The following ADGRB3 variants were observed in gnomAD, a reference collection of about 807,000 sequenced individuals.
ADGRB3 encodes adhesion G protein-coupled receptor B3.
In ADGRB3, 37 loss-of-function variants were observed where a neutral mutation model predicts 193.4. That is an observed-to-expected ratio of 0.19 (90% CI 0.15 to 0.25). The LOEUF (loss-of-function observed/expected upper bound fraction) is 0.25. ADGRB3 is among the 10% of genes least tolerant of loss of function. The pLI, the probability that ADGRB3 is intolerant of heterozygous loss-of-function variation, is 1.00. For synonymous variants in ADGRB3, 690 were observed against 644.2 expected (o/e 1.07, Z -1.08); for missense variants, 1,637 against 1,852.9 (o/e 0.88, Z 2.14).
chr6:68,872,639 T>C (rs1045997685), intron 3 of ADGRB3, among the ~76,000 whole-genome samples: 4 of 152,138 alleles, frequency 2.6e-5, no homozygotes, highest in African/African-American at 9.7e-5. Context: ...AATGGGTTTA[T>C]TAGTTCTGTG....
At chr6:68,813,861 C>T (rs1767570514) in intron 3 of ADGRB3, among the ~76,000 whole-genome samples, 1 of 152,148 alleles carries the variant, frequency 6.6e-6, no homozygotes, top group South Asian at 2.1e-4. Flanking sequence ...CCAGCTTCAT[C>T]TATGTCCCTA....
intron 17 of ADGRB3, among the ~76,000 whole-genome samples, chr6:69,183,370 C>G (rs532032404): frequency 2.0e-5 from 3 of 151,978 alleles, no homozygotes; most frequent in African/African-American, 7.2e-5. Flanking sequence ...TTATAAGTGC[C>G]TCTTTTTATA....
At chr6:68,693,171 G>A (rs1184716760) in intron 3 of ADGRB3, among the ~76,000 whole-genome samples, 1 of 151,750 alleles carries the variant, frequency 6.6e-6, no homozygotes, top group Non-Finnish European at 1.5e-5. Context: ...GTTTAAATGA[G>A]GTAGCAATGA....
chr6:69,153,984 C>T (rs1030546091), intron 17 of ADGRB3, among the ~76,000 whole-genome samples: 1 of 151,920 alleles, frequency 6.6e-6, no homozygotes, highest in Non-Finnish European at 1.5e-5. Context: ...CAGAGTGAGA[C>T]TCTGTCTCAA....
At chr6:68,879,637 T>C (rs1307045540) in intron 3 of ADGRB3, among the ~76,000 whole-genome samples, 1 of 152,174 alleles carries the variant, frequency 6.6e-6, no homozygotes, top group Non-Finnish European at 1.5e-5. Flanking sequence ...CATGTGTGTG[T>C]GCATCTTTCT....
At chr6:69,365,937 GTTA>G (rs958256658) in intron 29 of ADGRB3, among the ~76,000 whole-genome samples, 2 of 152,036 alleles carry the variant, frequency 1.3e-5, no homozygotes, top group African/African-American at 4.8e-5. Context: ...GTAAGATTAT[GTTA>G]TTATTATGTC....
chr6:68,898,997 G>A (rs899201951), intron 3 of ADGRB3, among the ~76,000 whole-genome samples: 9 of 151,950 alleles, frequency 5.9e-5, no homozygotes, highest in South Asian at 2.1e-4. Flanking sequence ...AGGACATTGC[G>A]GAAAGTCTAA....
At chr6:68,965,532 C>T (rs1039608059) in intron 8 of ADGRB3, among the ~76,000 whole-genome samples, 1 of 152,024 alleles carries the variant, frequency 6.6e-6, no homozygotes, top group Non-Finnish European at 1.5e-5. Context: ...GGGGTAAAAA[C>T]TAATTTTCCA....
intron 8 of ADGRB3, among the ~76,000 whole-genome samples, chr6:68,967,740 A>G (rs958359501): frequency 9.2e-5 from 14 of 152,182 alleles, no homozygotes; most frequent in African/African-American, 3.1e-4. Context: ...AAAAACATGT[A>G]TAGATGTTAC....
chr6:68,740,652 A>G (rs1009950311), intron 3 of ADGRB3, among the ~76,000 whole-genome samples: 1 of 152,192 alleles, frequency 6.6e-6, no homozygotes, highest in Non-Finnish European at 1.5e-5. Flanking sequence ...GTTAATTTTT[A>G]CATGTTATTA....
chr6:69,024,535 A>T (rs1770369626), intron 13 of ADGRB3, among the ~76,000 whole-genome samples: 1 of 152,228 alleles, frequency 6.6e-6, no homozygotes, highest in South Asian at 2.1e-4. Context: ...GTTCCTTAGG[A>T]ATTATTTGAT....
intron 17 of ADGRB3, among the ~76,000 whole-genome samples, chr6:69,219,492 T>TATATATATAC (rs1364575476): frequency 4.2e-5 from 6 of 141,570 alleles, no homozygotes; most frequent in South Asian, 2.2e-4. Flanking sequence ...TATATATATA[T>TATATATATAC]ACGTGTGTGT....
chr6:69,127,399 G>A (rs1773880924), intron 17 of ADGRB3, among the ~76,000 whole-genome samples: 1 of 152,172 alleles, frequency 6.6e-6, no homozygotes, highest in Admixed American at 6.5e-5. Context: ...ACAGAACTGT[G>A]GAATCATTTC....
intron 8 of ADGRB3, among the ~76,000 whole-genome samples, chr6:68,966,054 C>T (rs1315390124): frequency 2.0e-5 from 3 of 152,142 alleles, no homozygotes; most frequent in Non-Finnish European, 4.4e-5. Context: ...CATCTCCTCT[C>T]CCAAGTCATC....
chr6:69,355,697 G>T, intron 27 of ADGRB3, 124 bp from the exon 28 acceptor site: 1 of 788,632 alleles, frequency 1.3e-6, no homozygotes, highest in South Asian at 1.6e-5. Flanking sequence ...AATTTCCTAT[G>T]AACAAAACAA....
At chr6:68,636,702 A>G (rs1359978524) in intron 1 of ADGRB3, among the ~76,000 whole-genome samples, 1 of 152,210 alleles carries the variant, frequency 6.6e-6, no homozygotes, top group African/African-American at 2.4e-5. Flanking sequence ...AAGTGAATTC[A>G]GAGCTATTTC....
intron 3 of ADGRB3, among the ~76,000 whole-genome samples, chr6:68,781,906 G>T (rs1325925912): frequency 6.6e-6 from 1 of 152,060 alleles, no homozygotes; most frequent in African/African-American, 2.4e-5. Context: ...CGAAAGAAGG[G>T]AAGTGTAGGT....
At chr6:68,644,847 A>G (rs1336257995) in intron 3 of ADGRB3, among the ~76,000 whole-genome samples, 1 of 152,204 alleles carries the variant, frequency 6.6e-6, no homozygotes, top group Non-Finnish European at 1.5e-5. Flanking sequence ...ATTTGTTTGT[A>G]TGTATACAAT....
At chr6:69,055,881 G>A (rs1000132187) in intron 15 of ADGRB3, among the ~76,000 whole-genome samples, 3 of 152,010 alleles carry the variant, frequency 2.0e-5, no homozygotes, top group African/African-American at 7.3e-5. Context: ...ACAGGCTAGA[G>A]TGCAGTGGTA....
Sources: allele counts gnomAD v4.1 joint callset (sites outside exome capture counted in the v4.1 genomes callset), GRCh38; gene constraint gnomAD v4.1.1; transcripts MANE v1.5; gene names NCBI Gene and HGNC (gene_info 2026-07-23, HGNC 2026-07-21).